MTHFD1L: variants seen among roughly 807,000 people sequenced by gnomAD.
MTHFD1L encodes monofunctional C1-tetrahydrofolate synthase, mitochondrial.
Under a neutral mutation model 119.5 loss-of-function variants are expected in MTHFD1L, and 81 were observed. That is an observed-to-expected ratio of 0.68 (90% CI 0.57 to 0.82). The LOEUF (loss-of-function observed/expected upper bound fraction) is 0.82. MTHFD1L is among the 40% of genes least tolerant of loss of function. MTHFD1L has a pLI of 0.00. For missense variants in MTHFD1L, 1,125 were observed against 1,253.4 expected, an observed-to-expected ratio of 0.90 and a Z score of 1.55; for synonymous variants, 430 against 475.2, an observed-to-expected ratio of 0.90 and a Z score of 1.24.
intron 20 of MTHFD1L, among the ~76,000 whole-genome samples, chr6:150,986,838 G>A (rs1341060625): frequency 2.0e-5 from 3 of 152,146 alleles, no homozygotes; most frequent in Non-Finnish European, 4.4e-5. Flanking sequence ...CCAAGTAGCT[G>A]GGACTACAGG....
chr6:151,090,078 C>T (rs1176063331), intron 26 of MTHFD1L, among the ~76,000 whole-genome samples: 1 of 152,180 alleles, frequency 6.6e-6, no homozygotes, highest in Admixed American at 6.5e-5. Flanking sequence ...GTGCAATTAG[C>T]AAGACAAGAA....
intron 26 of MTHFD1L, among the ~76,000 whole-genome samples, chr6:151,074,387 A>G (rs1044370687): frequency 6.6e-6 from 1 of 152,270 alleles, no homozygotes; most frequent in Non-Finnish European, 1.5e-5. Flanking sequence ...TAATTACTGC[A>G]TAAAGCAAAA....
intron 24 of MTHFD1L, among the ~76,000 whole-genome samples, chr6:151,029,949 T>C (rs1785108604): frequency 6.6e-6 from 1 of 152,248 alleles, no homozygotes; most frequent in African/African-American, 2.4e-5. Flanking sequence ...TTGAGTTCAG[T>C]AAAGAATGCA....
chr6:151,047,266 A>G (rs1306434583), intron 26 of MTHFD1L, among the ~76,000 whole-genome samples: 1 of 152,216 alleles, frequency 6.6e-6, no homozygotes, highest in Non-Finnish European at 1.5e-5. Flanking sequence ...TTAAGTAAGG[A>G]CTTACCGTAT....
In MTHFD1L at chr6:150,944,525, G is replaced by A. The variant is rs982517091; in HGVS notation, c.1480G>A (p.Ala494Thr). 11 of 1,613,792 alleles carry A rather than the reference G, an allele frequency of 6.8e-6. No individual in the cohort carries two copies. Among genetic ancestry groups the A allele is most frequent in the African/African-American group, 5.3e-5 (4 of 74,918 alleles). The change falls in exon 14 of 28, where the codon GCT becomes ACT. Residue 494 changes from alanine to threonine, a missense_variant. Coordinates refer to ENST00000367321, the MANE Select transcript of MTHFD1L (RefSeq NM_015440.5). ...HLTGDIHAIT[A>T]ANNLLAAAID... ...GACTGGAGACATCCACGCCATCACCGCTGCCAATAACTTGCTGGCTGCCGC... is the reference window on the plus strand; with the variant it reads ...GACTGGAGACATCCACGCCATCACCACTGCCAATAACTTGCTGGCTGCCGC...
At chr6:151,009,318 A>G (rs902046866) in intron 20 of MTHFD1L, among the ~76,000 whole-genome samples, 3 of 152,008 alleles carry the variant, frequency 2.0e-5, no homozygotes, top group African/African-American at 7.3e-5. Context: ...GTGGATCACA[A>G]GGTCAGGAGT....
chr6:151,072,938 A>T (rs1363063941), intron 26 of MTHFD1L, among the ~76,000 whole-genome samples: 23 of 152,200 alleles, frequency 1.5e-4, no homozygotes, highest in Admixed American at 1.5e-3. Flanking sequence ...CAAGTAAAAA[A>T]CTGGACAAAG....
rs1795164539 is a variant in MTHFD1L at position 151,099,409 on chromosome 6, CCAGAGCCACTA to C, written c.*32-2113_*32-2103del. 2.4e-5 allele frequency: 17 copies of C among 714,056 alleles called. No individual in the cohort carries two copies. The South Asian group carries it at 2.7e-4, about 11-fold the overall frequency. The allele number at this position is 714,056 out of a possible 1,614,324, so 44.2% of individuals were successfully genotyped here. A position where few individuals can be genotyped will look rare whatever the true frequency, so the allele number is the denominator to read the frequency against. On this transcript the variant is annotated intron_variant, in intron 27 of 27. Coordinates refer to ENST00000367321, the MANE Select transcript of MTHFD1L (RefSeq NM_015440.5). ...TCATTGACCCTCAGGTCAAGGGATA[CCAGAGCCACTA>C]CAGTGAGGCTGGCCGTGTCTCTGAA...
intron 16 of MTHFD1L, among the ~76,000 whole-genome samples, chr6:150,955,511 T>G (rs1795497422): frequency 6.6e-6 from 1 of 150,616 alleles, no homozygotes; most frequent in Non-Finnish European, 1.5e-5. Flanking sequence ...TTTTTTTTTT[T>G]TTTTTTTAGA....
At chr6:150,920,010 C>A (rs1452328517) in intron 9 of MTHFD1L, among the ~76,000 whole-genome samples, 1 of 152,156 alleles carries the variant, frequency 6.6e-6, no homozygotes, top group Non-Finnish European at 1.5e-5. Context: ...GTATTTCATT[C>A]CTCACTGGCC....
chr6:151,045,885 G>T (rs200132183), intron 26 of MTHFD1L, among the ~76,000 whole-genome samples: 2 of 152,168 alleles, frequency 1.3e-5, no homozygotes, highest in African/African-American at 4.8e-5. Flanking sequence ...GGAAAGCTAC[G>T]TGTGTGTCTG....
intron 7 of MTHFD1L, among the ~76,000 whole-genome samples, chr6:150,895,065 C>T (rs1476625594): frequency 6.6e-6 from 1 of 152,150 alleles, no homozygotes; most frequent in East Asian, 1.9e-4. Context: ...AGCCAAGGCA[C>T]TGGAGCTAGT....
At chr6:150,894,831 A>G (rs1434476185) in intron 7 of MTHFD1L, among the ~76,000 whole-genome samples, 1 of 152,238 alleles carries the variant, frequency 6.6e-6, no homozygotes, top group Non-Finnish European at 1.5e-5. Flanking sequence ...TTAGGGTTCC[A>G]CAGAAACCAG....
chr6:151,024,848 G>T (rs756606990), intron 24 of MTHFD1L, among the ~76,000 whole-genome samples: 4 of 151,552 alleles, frequency 2.6e-5, no homozygotes, highest in Non-Finnish European at 5.9e-5. Context: ...GGTTTTTTTT[G>T]AGCCTGGGCA....
intron 8 of MTHFD1L, among the ~76,000 whole-genome samples, chr6:150,916,292 C>CTTTTTT (rs71554488): frequency 5.0e-5 from 2 of 39,986 alleles, no homozygotes; most frequent in East Asian, 7.9e-4. Flanking sequence ...AAGGTAGAAT[C>CTTTTTT]TTTTTTTTTT....
intron 26 of MTHFD1L, among the ~76,000 whole-genome samples, chr6:151,049,709 C>T (rs183286238): frequency 2.5e-4 from 37 of 150,960 alleles, no homozygotes; most frequent in Non-Finnish European, 4.3e-4. Flanking sequence ...TCCTTGGGTT[C>T]AATTAAGTTC....
At chr6:151,061,886 A>G (rs962757574) in intron 26 of MTHFD1L, among the ~76,000 whole-genome samples, 2 of 152,232 alleles carry the variant, frequency 1.3e-5, no homozygotes, top group African/African-American at 2.4e-5. Flanking sequence ...TACTCCTTCC[A>G]TCATACCAGA....
chr6:150,877,875 C>T (rs374458309), intron 4 of MTHFD1L, 49 bp downstream of exon 4: 2 of 1,603,684 alleles, frequency 1.2e-6, no homozygotes, highest in Non-Finnish European at 1.7e-6. Flanking sequence ...CCTCTTGAGA[C>T]TTAATAGGCC....
chr6:150,866,800 C>G (rs932836010), intron 1 of MTHFD1L, among the ~76,000 whole-genome samples: 1 of 152,214 alleles, frequency 6.6e-6, no homozygotes, highest in African/African-American at 2.4e-5. Flanking sequence ...CCTTTCCCGT[C>G]CCGGTCCCCG....
Sources: allele counts gnomAD v4.1 joint callset (sites outside exome capture counted in the v4.1 genomes callset), GRCh38; gene constraint gnomAD v4.1.1; transcripts MANE v1.5; gene names NCBI Gene and HGNC (gene_info 2026-07-23, HGNC 2026-07-21).